The following DNAH12 variants were observed in gnomAD, a reference collection of about 807,000 sequenced individuals.
DNAH12 encodes dynein axonemal heavy chain 12.
In DNAH12, 285 loss-of-function variants were observed where a neutral mutation model predicts 371.5. That is an observed-to-expected ratio of 0.77 (90% CI 0.70 to 0.85). DNAH12 has a LOEUF of 0.85. Ranked by LOEUF, DNAH12 falls within the 40% of genes least tolerant of loss-of-function variation. The probability of loss-of-function intolerance (pLI) is 0.00; values close to 1 mark genes in which losing one functional copy is unlikely to be tolerated. For synonymous variants in DNAH12, 1,200 were observed against 1,213.0 expected, an observed-to-expected ratio of 0.99 and a Z score of 0.22; for missense variants, 3,611 against 3,689.4, an observed-to-expected ratio of 0.98 and a Z score of 0.55.
At chr3:57,476,150 G>T (rs1043286534) in intron 13 of DNAH12, among the ~76,000 whole-genome samples, 1 of 152,064 alleles carries the variant, frequency 6.6e-6, no homozygotes, top group African/African-American at 2.4e-5. Flanking sequence ...AGAGGCAAAA[G>T]AATATAAATG....
intron 29 of DNAH12, among the ~76,000 whole-genome samples, chr3:57,443,503 A>G (rs560949456): frequency 6.6e-6 from 1 of 152,294 alleles, no homozygotes; most frequent in African/African-American, 2.4e-5. Context: ...AATATGTATA[A>G]TCTACATGAA....
intron 32 of DNAH12, among the ~76,000 whole-genome samples, chr3:57,430,967 G>C (rs1208854720): frequency 1.3e-5 from 2 of 152,152 alleles, no homozygotes; most frequent in Non-Finnish European, 1.5e-5. Flanking sequence ...TTCTTCAACT[G>C]CACTAATCCA....
In DNAH12 at chr3:57,366,758, T is replaced by C. The variant is rs1011911537; in HGVS notation, c.9138A>G (p.Gln3046=). ...CCTTTGCAACAACAATACCTAGTAA[T>C]TGATCTTCAAGTCCTTCTGGAGTTA... ...FMITPEGLED[Q]LLGIVVAKER... Residue 3046 remains glutamine, a synonymous_variant, in exon 57 of 74, where the codon CAA becomes CAG. Transcript: ENST00000495027. 5.9e-5 allele frequency: 9 copies of C among 152,334 alleles called. No individual in the cohort carries two copies. Among genetic ancestry groups the C allele is most frequent in the Admixed American group, 5.9e-4 (9 of 15,286 alleles). The allele number at this position is 152,334 out of a possible 1,614,324, so 9.4% of individuals were successfully genotyped here.
intron 43 of DNAH12, among the ~76,000 whole-genome samples, chr3:57,402,960 T>A (rs1553679483): frequency 6.6e-6 from 1 of 152,148 alleles, no homozygotes; most frequent in African/African-American, 2.4e-5. Context: ...TACATCAATA[T>A]TTTTTTAAAG....
intron 45 of DNAH12, among the ~76,000 whole-genome samples, chr3:57,391,351 T>TC (rs1405623598): frequency 6.6e-6 from 1 of 152,146 alleles, no homozygotes; most frequent in African/African-American, 2.4e-5. Context: ...TTATTTTTTT[T>TC]CCTCCCTTCA....
intron 69 of DNAH12, among the ~76,000 whole-genome samples, chr3:57,303,264 A>C (rs958608712): frequency 3.4e-5 from 5 of 147,064 alleles, no homozygotes; most frequent in Non-Finnish European, 6.0e-5. Flanking sequence ...GCGTGAACCC[A>C]GGAGGCAGAG....
chr3:57,358,974 G>A (rs2062860244), intron 58 of DNAH12, among the ~76,000 whole-genome samples: 1 of 151,900 alleles, frequency 6.6e-6, no homozygotes, highest in South Asian at 2.1e-4. Context: ...AGTAGAGATG[G>A]GGTTTCACCA....
chr3:57,379,798 G>A lies in DNAH12; in HGVS notation c.8082+480C>T, dbSNP rs1219475079. ...GGAGGTTGCAGTGAGCCAAGATCCCGCCACTGCACTCCAGCCTGGGTGACA... is the reference window on the plus strand; with the variant it reads ...GGAGGTTGCAGTGAGCCAAGATCCCACCACTGCACTCCAGCCTGGGTGACA... On this transcript the variant is annotated intron_variant, in intron 51 of 73. Coordinates refer to ENST00000495027, the MANE Select transcript of DNAH12 (RefSeq NM_001366028.2). Among the ~76,000 whole-genome samples, 8 of 116,508 alleles carry A rather than the reference G, an allele frequency of 6.9e-5. No individual in the cohort carries two copies. In the East Asian group the frequency reaches 8.8e-4, roughly 13 times the overall value. 76.4% of individuals were successfully genotyped at this position (116,508 alleles called of 152,430 possible). A position where few individuals can be genotyped will look rare whatever the true frequency, so the allele number is the denominator to read the frequency against.
chr3:57,457,719 A>T lies in DNAH12; in HGVS notation c.3336+2T>A. On this transcript the variant is annotated splice_donor_variant, in intron 22 of 73. Transcript: ENST00000495027. LOFTEE classifies it high-confidence loss of function. ...GTATATATCAAATCCTAGGAAACAC[A>T]CCAGCCTGGCTGCAGCGATCACATC... 1 of 1,547,382 alleles carries T rather than the reference A, an allele frequency of 6.5e-7. No homozygotes were observed. The highest frequency in any genetic ancestry group is 8.7e-7 in the Non-Finnish European group (1 of 1,143,480).
intron 69 of DNAH12, among the ~76,000 whole-genome samples, chr3:57,302,567 ATTTTTTTTTT>A (rs71088056): frequency 1.5e-4 from 4 of 27,478 alleles, no homozygotes; most frequent in Admixed American, 7.2e-4. Flanking sequence ...ATATATATGT[ATTTTTTTTTT>A]TTTTTTTTTT....
intron 53 of DNAH12, among the ~76,000 whole-genome samples, chr3:57,376,510 A>G (rs919039933): frequency 1.3e-5 from 2 of 152,182 alleles, no homozygotes; most frequent in African/African-American, 4.8e-5. Context: ...TTATCATGCT[A>G]TTCATTCAAT....
intron 11 of DNAH12, among the ~76,000 whole-genome samples, chr3:57,494,534 C>T (rs1196604642): frequency 6.6e-6 from 1 of 151,260 alleles, no homozygotes; most frequent in Non-Finnish European, 1.5e-5. Context: ...TGTACTTTAG[C>T]CTGGGCAACA....
intron 62 of DNAH12, among the ~76,000 whole-genome samples, chr3:57,329,874 C>T (rs2062049426): frequency 6.6e-6 from 1 of 152,042 alleles, no homozygotes; most frequent in African/African-American, 2.4e-5. Flanking sequence ...AAGAAGAAAA[C>T]AAACAACCCC....
In DNAH12 at chr3:57,413,905, A is replaced by G. The variant is rs893960087; in HGVS notation, c.5861T>C (p.Ile1954Thr). 30 of 1,549,688 alleles carry G rather than the reference A, an allele frequency of 1.9e-5. No homozygotes were observed. Among genetic ancestry groups the G allele is most frequent in the Non-Finnish European group, 2.5e-5 (29 of 1,146,366 alleles). The change falls in exon 39 of 74, where the codon ATC becomes ACC. Residue 1954 changes from isoleucine (I) to threonine (T), a missense_variant. Transcript: ENST00000495027. ...GCGTCTTTTATCCAATCTAGCCATG[A>G]TAATGTTCTAAAATATGAAGGAAGA... is the stretch of plus-strand genomic sequence containing the variant. Reference protein sequence around the residue: ...RTSANQVQNIIMARLDKRRKG... With the variant: ...RTSANQVQNITMARLDKRRKG...
chr3:57,423,975 A>G (rs556484627), intron 35 of DNAH12, among the ~76,000 whole-genome samples: 73 of 151,874 alleles, frequency 4.8e-4, no homozygotes, highest in African/African-American at 1.7e-3. Context: ...CTGACCTCAA[A>G]TGATCTGCCC....
At position 57,301,872 on chromosome 3, in the gene DNAH12, C is replaced by G; in HGVS notation, c.11257G>C (p.Asp3753His). Residue 3753 changes from aspartate (D) to histidine (H), a missense_variant, in exon 70 of 74, where the codon GAT becomes CAT. Asp to His is a moderately conservative substitution (Grantham distance 81). This residue lies in a region of DNAH12 where 2,266 missense variants were observed against 2,236.9 expected (regional missense o/e 1.01). Transcript: ENST00000495027. ...EKAIKGVVVMDSALEALSGSL... is the reference protein window; with the variant it reads ...EKAIKGVVVMHSALEALSGSL... ...CCGGAGAGTGCCTCCAATGCAGAATCCATCACAACCACACCCTTAATAGCT... is the reference window on the plus strand; with the variant it reads ...CCGGAGAGTGCCTCCAATGCAGAATGCATCACAACCACACCCTTAATAGCT... The G allele has an allele frequency of 6.4e-7, 1 of 1,551,608 alleles. No homozygotes were observed. The highest frequency in any genetic ancestry group is 2.0e-5 in the Admixed American group (1 of 50,986).
intron 70 of DNAH12, among the ~76,000 whole-genome samples, chr3:57,299,588 C>G (rs887546307): frequency 6.6e-6 from 1 of 152,024 alleles, no homozygotes; most frequent in African/African-American, 2.4e-5. Context: ...AGATTGAAAC[C>G]CTCATCTCCA....
intron 9 of DNAH12, among the ~76,000 whole-genome samples, chr3:57,503,263 C>CAAACA (rs926044041): frequency 7.2e-5 from 11 of 151,990 alleles, no homozygotes; most frequent in South Asian, 4.1e-4. Context: ...GACCCTGTCT[C>CAAACA]AAACAAAACA....
chr3:57,301,173 G>T (rs184151127), intron 70 of DNAH12, among the ~76,000 whole-genome samples: 1 of 141,584 alleles, frequency 7.1e-6, no homozygotes, highest in South Asian at 2.3e-4. Context: ...TGTAGTTCCA[G>T]TTATTCAAGA....
Sources: allele counts gnomAD v4.1 joint callset (sites outside exome capture counted in the v4.1 genomes callset), GRCh38; gene constraint gnomAD v4.1.1; regional missense constraint gnomAD v4.1.1; transcripts MANE v1.5; gene names NCBI Gene and HGNC (gene_info 2026-07-23, HGNC 2026-07-21).